Variants in KSR2 observed in about 807,000 individuals in gnomAD.
KSR2 encodes kinase suppressor of ras 2.
A neutral mutation model predicts 107.8 loss-of-function variants in KSR2; 25 were observed. The observed-to-expected ratio is 0.23, with a 90% CI of 0.17 to 0.32. The LOEUF (loss-of-function observed/expected upper bound fraction) is 0.32, where lower values mean the gene tolerates loss of function less well. Among genes scored for constraint, KSR2 ranks in the 10% least tolerant of loss-of-function variants. The pLI, the probability that KSR2 is intolerant of heterozygous loss-of-function variation, is 1.00. For missense variants in KSR2, 887 were observed against 1,268.9 expected, an observed-to-expected ratio of 0.70 and a Z score of 4.57; for synonymous variants, 480 against 507.0, an observed-to-expected ratio of 0.95 and a Z score of 0.71.
At chr12:117,525,510 T>C (rs1875074430) in intron 13 of KSR2, among the ~76,000 whole-genome samples, 1 of 152,180 alleles carries the variant, frequency 6.6e-6, no homozygotes, top group Non-Finnish European at 1.5e-5. Context: ...TCTAGTTTGC[T>C]GGAATCTTCC....
chr12:117,574,660 A>G lies in KSR2; in HGVS notation c.1325+4459T>C, dbSNP rs569554416. Among the ~76,000 whole-genome samples, 43 of 152,290 alleles carry G rather than the reference A, an allele frequency of 2.8e-4. 1 individual carries two copies. In the South Asian group the frequency reaches 8.3e-3, roughly 29 times the overall value. On this transcript the variant is annotated intron_variant, in intron 7 of 19. Transcript: ENST00000339824. ...ACACGTGGGAATTATGGGAGCTACA[A>G]TTCAAGATGAGATTTGGGTGGGAAC...
chr12:117,487,407 G>A (rs1467545249), intron 14 of KSR2, among the ~76,000 whole-genome samples: 1 of 152,202 alleles, frequency 6.6e-6, no homozygotes, highest in African/African-American at 2.4e-5. Flanking sequence ...CATGTCTGAG[G>A]AGGTCACCCA....
intron 4 of KSR2, among the ~76,000 whole-genome samples, chr12:117,716,280 T>C (rs1886974879): frequency 6.6e-6 from 1 of 152,204 alleles, no homozygotes; most frequent in Non-Finnish European, 1.5e-5. Flanking sequence ...AATGAATGAA[T>C]TGAAACCCAG....
chr12:117,792,147 G>A (rs941886047), intron 3 of KSR2, among the ~76,000 whole-genome samples: 14 of 151,382 alleles, frequency 9.2e-5, no homozygotes, highest in Non-Finnish European at 1.0e-4. Context: ...AGACTAGCCC[G>A]GACAACATGG....
intron 5 of KSR2, among the ~76,000 whole-genome samples, chr12:117,648,546 G>C (rs1365878689): frequency 6.6e-6 from 1 of 152,212 alleles, no homozygotes; most frequent in Non-Finnish European, 1.5e-5. Flanking sequence ...GAAAAGATAA[G>C]ATATTGCCTT....
intron 5 of KSR2, among the ~76,000 whole-genome samples, chr12:117,662,345 T>C (rs2136468435): frequency 6.6e-6 from 1 of 152,270 alleles, no homozygotes; most frequent in Non-Finnish European, 1.5e-5. Context: ...TTAAACCCCA[T>C]TATATAATCA....
At chr12:117,503,602 T>C (rs940746692) in intron 14 of KSR2, among the ~76,000 whole-genome samples, 3 of 152,198 alleles carry the variant, frequency 2.0e-5, no homozygotes, top group Non-Finnish European at 4.4e-5. Context: ...GCCCAACCTA[T>C]AGCCAACTTT....
intron 7 of KSR2, among the ~76,000 whole-genome samples, chr12:117,560,675 A>G (rs1218049124): frequency 3.9e-5 from 6 of 152,214 alleles, no homozygotes; most frequent in African/African-American, 1.2e-4. Flanking sequence ...TCATGTTGAA[A>G]TGTGACCTCC....
At chr12:117,916,382 C>T (rs544027534) in intron 1 of KSR2, among the ~76,000 whole-genome samples, 85 of 152,180 alleles carry the variant, frequency 5.6e-4, no homozygotes, top group Admixed American at 4.1e-3. Context: ...GGTGATCCGC[C>T]CGCCTCATCC....
intron 2 of KSR2, among the ~76,000 whole-genome samples, chr12:117,859,327 G>A (rs186208188): frequency 6.6e-6 from 1 of 151,752 alleles, no homozygotes; most frequent in African/African-American, 2.4e-5. Context: ...TGTACTTTCA[G>A]TAGAGACGGG....
At chr12:117,760,477 G>A (rs1332095115) in intron 4 of KSR2, among the ~76,000 whole-genome samples, 1 of 152,168 alleles carries the variant, frequency 6.6e-6, no homozygotes, top group South Asian at 2.1e-4. Flanking sequence ...GATATATTGG[G>A]TTGAATGATG....
At chr12:117,945,969 A>G (rs1896168036) in intron 1 of KSR2, among the ~76,000 whole-genome samples, 1 of 152,212 alleles carries the variant, frequency 6.6e-6, no homozygotes, top group Non-Finnish European at 1.5e-5. Context: ...AAAGACTTCA[A>G]AAGAAAACAT....
At chr12:117,848,723 A>G (rs1287898614) in intron 3 of KSR2, among the ~76,000 whole-genome samples, 1 of 122,258 alleles carries the variant, frequency 8.2e-6, no homozygotes, top group Non-Finnish European at 2.0e-5. Context: ...GAGCTGGGGG[A>G]AGAAAAAGGC....
chr12:117,557,636 G>A (rs7308579), intron 8 of KSR2, among the ~76,000 whole-genome samples: 100,820 of 152,130 alleles, frequency 0.66, 34,197 homozygotes, highest in Non-Finnish European at 0.74. Flanking sequence ...ATCTGTACCA[G>A]TATAAGCCCT....
chr12:117,463,311 C>T lies in KSR2; in HGVS notation c.*3888G>A, dbSNP rs1721861537. 2 of 152,282 alleles carry T rather than the reference C, an allele frequency of 1.3e-5. No individual in the cohort carries two copies. 9.4% of individuals were successfully genotyped at this position (152,282 alleles called of 1,614,324 possible). On this transcript the variant is annotated 3_prime_UTR_variant, in exon 20 of 20. Coordinates refer to ENST00000339824, the MANE Select transcript of KSR2 (RefSeq NM_173598.6). Reference sequence around the variant, plus strand: ...AACAAGTTCTCTCCCCCTCCAACTTCCTGTTCCTCCCCTGAGAGCCATATC... The same window carrying T: ...AACAAGTTCTCTCCCCCTCCAACTTTCTGTTCCTCCCCTGAGAGCCATATC...
chr12:117,525,984 T>C (rs564091968), intron 13 of KSR2, among the ~76,000 whole-genome samples: 26 of 152,150 alleles, frequency 1.7e-4, no homozygotes, highest in Non-Finnish European at 3.2e-4. Flanking sequence ...GAGGCTGCCT[T>C]TCCTCATTGT....
chr12:117,687,242 A>C (rs1368237542), intron 4 of KSR2, among the ~76,000 whole-genome samples: 1 of 152,118 alleles, frequency 6.6e-6, no homozygotes, highest in Non-Finnish European at 1.5e-5. Flanking sequence ...GGGGCAAGTG[A>C]GTCAGTGTGA....
intron 17 of KSR2, among the ~76,000 whole-genome samples, chr12:117,474,975 C>G (rs780309205): frequency 1.1e-4 from 17 of 152,118 alleles, no homozygotes; most frequent in Non-Finnish European, 2.4e-4. Flanking sequence ...TAGGCACCAC[C>G]CAAATTCAAT....
At chr12:117,553,171 G>A (rs891750453) in intron 9 of KSR2, among the ~76,000 whole-genome samples, 2 of 152,222 alleles carry the variant, frequency 1.3e-5, no homozygotes, top group African/African-American at 4.8e-5. Flanking sequence ...AGGTTTGCCT[G>A]ATTCCAGAAG....
Sources: allele counts gnomAD v4.1 joint callset (sites outside exome capture counted in the v4.1 genomes callset), GRCh38; gene constraint gnomAD v4.1.1; transcripts MANE v1.5; gene names NCBI Gene and HGNC (gene_info 2026-07-23, HGNC 2026-07-21).